Variants in LAMA2 observed in about 807,000 individuals in gnomAD.
The protein encoded by LAMA2 is laminin subunit alpha-2.
LAMA2 carries 269 observed loss-of-function variants against 364.8 expected under a neutral mutation model. That is an observed-to-expected ratio of 0.74 (90% CI 0.67 to 0.82). LAMA2 has a LOEUF of 0.82. Among genes scored for constraint, LAMA2 ranks in the 40% least tolerant of loss-of-function variants. LAMA2 has a pLI of 0.00. For synonymous variants in LAMA2, 1,379 were observed against 1,370.6 expected, an observed-to-expected ratio of 1.01 and a Z score of -0.14; for missense variants, 3,807 against 3,873.2, an observed-to-expected ratio of 0.98 and a Z score of 0.45.
chr6:129,210,830 G>C (rs1203377568), intron 12 of LAMA2, among the ~76,000 whole-genome samples: 1 of 152,184 alleles, frequency 6.6e-6, no homozygotes, highest in Non-Finnish European at 1.5e-5. Context: ...GTATGAGACA[G>C]ATGCCGGTTA....
At chr6:129,032,732 G>T (rs140924791) in intron 1 of LAMA2, among the ~76,000 whole-genome samples, 1 of 152,316 alleles carries the variant, frequency 6.6e-6, no homozygotes, top group East Asian at 1.9e-4. Context: ...TGTTACAAAT[G>T]CTTGTGACTT....
chr6:129,404,051 G>A (rs577964941), intron 40 of LAMA2, 92 bp downstream of exon 40: 9 of 1,423,626 alleles, frequency 6.3e-6, no homozygotes, highest in African/African-American at 1.4e-5. Context: ...CAGTAAATTG[G>A]TATATTTGTT....
chr6:129,221,876 C>T (rs1205730937), intron 12 of LAMA2, among the ~76,000 whole-genome samples: 1 of 152,106 alleles, frequency 6.6e-6, no homozygotes, highest in Non-Finnish European at 1.5e-5. Flanking sequence ...TCTGGAATAA[C>T]TTGTTGCAAT....
At chr6:129,179,398 A>C (rs909216301) in intron 10 of LAMA2, among the ~76,000 whole-genome samples, 1 of 152,116 alleles carries the variant, frequency 6.6e-6, no homozygotes, top group African/African-American at 2.4e-5. Flanking sequence ...CCTACCACTC[A>C]TACAGTGGTG....
At chr6:128,981,671 G>A (rs1317120959) in intron 1 of LAMA2, among the ~76,000 whole-genome samples, 1 of 151,732 alleles carries the variant, frequency 6.6e-6, no homozygotes, top group Non-Finnish European at 1.5e-5. Flanking sequence ...GATCCCTTGA[G>A]TTCAGAAGTT....
chr6:129,289,475 G>A (rs1789527024), intron 19 of LAMA2, among the ~76,000 whole-genome samples: 1 of 152,124 alleles, frequency 6.6e-6, no homozygotes, highest in Admixed American at 6.5e-5. Flanking sequence ...GTCTTTGGTA[G>A]CAGTGCTCAT....
chr6:129,307,880 G>A (rs1562441675), intron 22 of LAMA2, among the ~76,000 whole-genome samples: 1 of 152,184 alleles, frequency 6.6e-6, no homozygotes, highest in Admixed American at 6.5e-5. Context: ...CCACTGGGTT[G>A]TGAAATATTG....
At chr6:129,255,409 A>T (rs1786583708) in intron 14 of LAMA2, among the ~76,000 whole-genome samples, 3 of 107,286 alleles carry the variant, frequency 2.8e-5, no homozygotes, top group African/African-American at 4.5e-5. Context: ...CTGTCTCAAA[A>T]AAAAAAAAAA....
intron 22 of LAMA2, among the ~76,000 whole-genome samples, chr6:129,308,655 A>G (rs549695514): frequency 6.6e-6 from 1 of 152,236 alleles, no homozygotes; most frequent in African/African-American, 2.4e-5. Flanking sequence ...AACAAAACTC[A>G]TAGAGCCTGT....
intron 10 of LAMA2, among the ~76,000 whole-genome samples, chr6:129,186,323 T>G (rs1781229734): frequency 6.6e-6 from 1 of 151,788 alleles, no homozygotes; most frequent in Non-Finnish European, 1.5e-5. Context: ...ACATTCAGTC[T>G]GGAAGGTACA....
At chr6:129,198,999 C>T (rs1314303294) in intron 12 of LAMA2, among the ~76,000 whole-genome samples, 1 of 152,056 alleles carries the variant, frequency 6.6e-6, no homozygotes. Flanking sequence ...GGACGTACTC[C>T]TCACATAATT....
intron 7 of LAMA2, among the ~76,000 whole-genome samples, chr6:129,151,698 G>A (rs1778806066): frequency 6.6e-6 from 1 of 152,120 alleles, no homozygotes; most frequent in African/African-American, 2.4e-5. Context: ...AGGAGAAAGT[G>A]AATGGGGAAG....
rs150125420 is a variant in LAMA2, at chr6:129,296,976, G to C, written c.2857-709G>C. Among the ~76,000 whole-genome samples, 3 of 152,194 alleles carry C rather than the reference G, an allele frequency of 2.0e-5. No individual in the cohort carries two copies. The East Asian group carries it at 5.8e-4, about 29-fold the overall frequency. On this transcript the variant is annotated intron_variant, in intron 20 of 64. Coordinates refer to ENST00000421865, the MANE Select transcript of LAMA2 (RefSeq NM_000426.4). ...CGTAAAAGATGATTTGTTATAGATA[G>C]ATAAGAGATATGCATATGAATAACT...
chr6:128,961,354 T>TATATATATATATTATATATATATATATA (rs1781505333), intron 1 of LAMA2, among the ~76,000 whole-genome samples: 5 of 77,624 alleles, frequency 6.4e-5, no homozygotes, highest in Admixed American at 2.6e-4. Context: ...TATATATATA[T>TATATATATATATTATATATATATATATA]ATATATATAT....
intron 1 of LAMA2, among the ~76,000 whole-genome samples, chr6:128,962,185 T>TATATATACACAC (rs1214826895): frequency 9.6e-6 from 1 of 103,918 alleles, no homozygotes; most frequent in African/African-American, 3.7e-5. Flanking sequence ...TATATATATA[T>TATATATACACAC]ACACACATAC....
intron 34 of LAMA2, among the ~76,000 whole-genome samples, chr6:129,371,445 G>A (rs1490382283): frequency 6.6e-6 from 1 of 151,918 alleles, no homozygotes. Flanking sequence ...GTAATAAATG[G>A]CATTTCATTC....
At chr6:129,084,975 C>T (rs1018477286) in intron 3 of LAMA2, among the ~76,000 whole-genome samples, 2 of 152,102 alleles carry the variant, frequency 1.3e-5, no homozygotes, top group Non-Finnish European at 2.9e-5. Context: ...TTTATAGTGT[C>T]TGGTTATGCT....
At chr6:129,204,490 A>C (rs1287031709) in intron 12 of LAMA2, among the ~76,000 whole-genome samples, 1 of 152,012 alleles carries the variant, frequency 6.6e-6, no homozygotes, top group Non-Finnish European at 1.5e-5. Flanking sequence ...AAAAAAAAAA[A>C]AGGACAATTT....
intron 1 of LAMA2, among the ~76,000 whole-genome samples, chr6:128,912,960 G>A (rs1778080599): frequency 1.3e-5 from 2 of 152,104 alleles, no homozygotes; most frequent in African/African-American, 4.8e-5. Context: ...CGACCAGAAA[G>A]GCAGATTAAG....
Sources: allele counts gnomAD v4.1 joint callset (sites outside exome capture counted in the v4.1 genomes callset), GRCh38; gene constraint gnomAD v4.1.1; transcripts MANE v1.5; gene names NCBI Gene and HGNC (gene_info 2026-07-23, HGNC 2026-07-21).